LRP1B: variants seen among roughly 807,000 people sequenced by gnomAD.
LRP1B encodes low-density lipoprotein receptor-related protein 1B.
In LRP1B, 217 loss-of-function variants were observed where a neutral mutation model predicts 556.6. That is an observed-to-expected ratio of 0.39 (90% CI 0.35 to 0.44). The LOEUF (loss-of-function observed/expected upper bound fraction) is 0.44, where lower values mean the gene tolerates loss of function less well. Ranked by LOEUF, LRP1B falls within the 20% of genes least tolerant of loss-of-function variation. The pLI is 1.00. For missense variants in LRP1B, 5,053 were observed against 5,620.8 expected, an observed-to-expected ratio of 0.90 and a Z score of 3.23; for synonymous variants, 2,047 against 1,865.8, an observed-to-expected ratio of 1.10 and a Z score of -2.50.
intron 27 of LRP1B, among the ~76,000 whole-genome samples, chr2:140,861,077 G>T (rs551270120): frequency 1.3e-5 from 2 of 152,018 alleles, no homozygotes; most frequent in East Asian, 3.9e-4. Context: ...CTTTTAAAGT[G>T]CTTAGTACTT....
chr2:141,175,854 G>C (rs1208666231), intron 7 of LRP1B, among the ~76,000 whole-genome samples: 2 of 152,254 alleles, frequency 1.3e-5, no homozygotes, highest in South Asian at 4.1e-4. Flanking sequence ...GTACCATGAA[G>C]AGCCACAAGG....
intron 1 of LRP1B, among the ~76,000 whole-genome samples, chr2:142,029,249 A>G (rs543536648): frequency 2.0e-5 from 3 of 152,058 alleles, no homozygotes; most frequent in Admixed American, 6.6e-5. Context: ...TTACAAATTA[A>G]GACCACAATG....
intron 1 of LRP1B, among the ~76,000 whole-genome samples, chr2:142,059,651 G>A (rs185871075): frequency 2.0e-5 from 3 of 152,030 alleles, no homozygotes; most frequent in Admixed American, 6.6e-5. Context: ...TTATACGTAG[G>A]TAAGAAATAC....
intron 67 of LRP1B, among the ~76,000 whole-genome samples, chr2:140,384,382 C>T (rs868593696): frequency 1.2e-4 from 18 of 152,142 alleles, no homozygotes; most frequent in Non-Finnish European, 8.8e-5. Flanking sequence ...TCCACCCCGT[C>T]AGAATTTTAT....
intron 3 of LRP1B, among the ~76,000 whole-genome samples, chr2:141,344,986 G>T (rs1454942382): frequency 6.6e-6 from 1 of 152,148 alleles, no homozygotes; most frequent in Non-Finnish European, 1.5e-5. Flanking sequence ...ACATTGAGAT[G>T]AAGAGATGAT....
chr2:140,327,407 T>A (rs769271036), intron 79 of LRP1B, among the ~76,000 whole-genome samples: 106 of 152,094 alleles, frequency 7.0e-4, no homozygotes, highest in Non-Finnish European at 1.4e-3. Context: ...AAATAATAAT[T>A]AAGCAAGTGG....
chr2:141,359,366 G>A (rs1409724011), intron 3 of LRP1B, among the ~76,000 whole-genome samples: 7 of 150,700 alleles, frequency 4.6e-5, no homozygotes, highest in African/African-American at 1.7e-4. Flanking sequence ...ATTAGAATGA[G>A]AAAGTACATA....
At chr2:141,045,416 GTAA>G (rs1698839690) in intron 11 of LRP1B, among the ~76,000 whole-genome samples, 1 of 145,316 alleles carries the variant, frequency 6.9e-6, no homozygotes, top group East Asian at 2.1e-4. Flanking sequence ...AACTTAAAGT[GTAA>G]TAATAAAAAT....
At chr2:140,990,165 C>T (rs1052315810) in intron 16 of LRP1B, among the ~76,000 whole-genome samples, 2 of 151,558 alleles carry the variant, frequency 1.3e-5, no homozygotes, top group Non-Finnish European at 1.5e-5. Context: ...TGAGATTGAT[C>T]GCTGTGGACA....
At chr2:140,800,183 G>A (rs1690458562) in intron 32 of LRP1B, among the ~76,000 whole-genome samples, 1 of 152,066 alleles carries the variant, frequency 6.6e-6, no homozygotes, top group Non-Finnish European at 1.5e-5. Flanking sequence ...TCACTCATAG[G>A]TGGGAATTGA....
At chr2:140,461,958 G>A (rs1175905768) in intron 60 of LRP1B, among the ~76,000 whole-genome samples, 1 of 152,178 alleles carries the variant, frequency 6.6e-6, no homozygotes, top group Non-Finnish European at 1.5e-5. Context: ...AGTTTACAGA[G>A]TAACATGAGC....
chr2:140,647,098 G>A (rs373000628), intron 41 of LRP1B, among the ~76,000 whole-genome samples: 14 of 152,024 alleles, frequency 9.2e-5, no homozygotes, highest in Middle Eastern at 3.4e-3. Context: ...GTTTTTCTCC[G>A]CATTTAAATG....
At chr2:140,570,217 T>A (rs1681274255) in intron 43 of LRP1B, among the ~76,000 whole-genome samples, 1 of 149,698 alleles carries the variant, frequency 6.7e-6, no homozygotes, top group African/African-American at 2.5e-5. Flanking sequence ...AAATAAAAAA[T>A]AAAATCAATA....
intron 22 of LRP1B, among the ~76,000 whole-genome samples, chr2:140,905,076 T>A (rs992227469): frequency 6.6e-6 from 1 of 152,184 alleles, no homozygotes; most frequent in Admixed American, 6.6e-5. Flanking sequence ...CTTTTAAAAC[T>A]TTTTATTACC....
intron 1 of LRP1B, among the ~76,000 whole-genome samples, chr2:141,939,846 T>C (rs977300057): frequency 2.0e-5 from 3 of 152,122 alleles, no homozygotes; most frequent in Non-Finnish European, 4.4e-5. Flanking sequence ...GGCAAGTCAG[T>C]TGTTAAACAT....
chr2:140,783,058 A>G (rs1449840266), intron 32 of LRP1B, among the ~76,000 whole-genome samples: 1 of 152,190 alleles, frequency 6.6e-6, no homozygotes, highest in Non-Finnish European at 1.5e-5. Context: ...TGCAAACATA[A>G]CTTGAGTAAT....
chr2:141,982,840 T>C (rs1702079560), intron 1 of LRP1B, among the ~76,000 whole-genome samples: 1 of 152,194 alleles, frequency 6.6e-6, no homozygotes, highest in Non-Finnish European at 1.5e-5. Context: ...AAAGTTTATA[T>C]TTAGAACAAT....
chr2:141,966,177 G>T (rs1701561427), intron 1 of LRP1B, among the ~76,000 whole-genome samples: 1 of 151,810 alleles, frequency 6.6e-6, no homozygotes, highest in Non-Finnish European at 1.5e-5. Context: ...AGCACCTATG[G>T]CATACAGAAA....
chr2:140,677,791 G>A (rs548120847), intron 41 of LRP1B, among the ~76,000 whole-genome samples: 4 of 150,378 alleles, frequency 2.7e-5, no homozygotes, highest in Admixed American at 1.3e-4. Context: ...CGGGAGAATC[G>A]CCAGAACCCA....
Sources: allele counts gnomAD v4.1 joint callset (sites outside exome capture counted in the v4.1 genomes callset), GRCh38; gene constraint gnomAD v4.1.1; transcripts MANE v1.5; gene names NCBI Gene and HGNC (gene_info 2026-07-23, HGNC 2026-07-21).